POU6F2: variants seen among roughly 807,000 people sequenced by gnomAD.
POU6F2 encodes the protein POU class 6 homeobox 2.
A neutral mutation model predicts 71.3 loss-of-function variants in POU6F2; 31 were observed. That is an observed-to-expected ratio of 0.43 (90% CI 0.33 to 0.59). The LOEUF (loss-of-function observed/expected upper bound fraction) is 0.59. Ranked by LOEUF, POU6F2 falls within the 20% of genes least tolerant of loss-of-function variation. The probability of loss-of-function intolerance (pLI) is 0.04; values close to 1 mark genes in which losing one functional copy is unlikely to be tolerated. For synonymous variants in POU6F2, 347 were observed against 355.7 expected (o/e 0.98, Z 0.27); for missense variants, 783 against 856.8 (o/e 0.91, Z 1.07).
intron 5 of POU6F2, among the ~76,000 whole-genome samples, chr7:39,341,781 TG>T (rs1191987674): frequency 6.6e-6 from 1 of 152,170 alleles, no homozygotes; most frequent in Non-Finnish European, 1.5e-5. Flanking sequence ...CCCTGAACAC[TG>T]TCAGTGTTTT....
intron 4 of POU6F2, among the ~76,000 whole-genome samples, chr7:39,332,302 GGA>G (rs1252119268): frequency 2.0e-5 from 3 of 152,092 alleles, no homozygotes; most frequent in Non-Finnish European, 4.4e-5. Flanking sequence ...GCTCTGCTGT[GGA>G]CTGGCTGCTG....
At chr7:39,149,349 T>C (rs1169903204) in intron 2 of POU6F2, among the ~76,000 whole-genome samples, 1 of 152,234 alleles carries the variant, frequency 6.6e-6, no homozygotes, top group African/African-American at 2.4e-5. Context: ...TACTTCTTTT[T>C]TTAAGCATTA....
chr7:39,330,514 G>A (rs1284699762), intron 4 of POU6F2, among the ~76,000 whole-genome samples: 1 of 152,118 alleles, frequency 6.6e-6, no homozygotes, highest in East Asian at 1.9e-4. Flanking sequence ...TTGCAAGTCA[G>A]TAAACACTCT....
intron 1 of POU6F2, among the ~76,000 whole-genome samples, chr7:39,015,860 T>C (rs867175368): frequency 1.3e-5 from 1 of 78,574 alleles, no homozygotes; most frequent in African/African-American, 5.3e-5. Flanking sequence ...TAGATATATA[T>C]AATATATTAT....
chr7:39,327,845 A>G (rs541778791), intron 4 of POU6F2, among the ~76,000 whole-genome samples: 11 of 149,940 alleles, frequency 7.3e-5, no homozygotes, highest in Admixed American at 6.7e-4. Flanking sequence ...TGTATGCATT[A>G]GTTTGTGTCA....
At chr7:39,354,046 G>T (rs1007579134) in intron 5 of POU6F2, among the ~76,000 whole-genome samples, 5 of 152,236 alleles carry the variant, frequency 3.3e-5, no homozygotes, top group Non-Finnish European at 5.9e-5. Context: ...GGCCCGGCAG[G>T]AGGCTGATTC....
chr7:39,227,551 C>CTT lies in POU6F2; in HGVS notation c.598+19951_598+19952dup, dbSNP rs34830334. 8.5e-3 allele frequency among the ~76,000 whole-genome samples: 925 copies of CTT among 108,986 alleles called. 9 individuals are homozygous for CTT. Among genetic ancestry groups the CTT allele is most frequent in the East Asian group, 0.014 (46 of 3,178 alleles). 71.5% of individuals were successfully genotyped at this position (108,986 alleles called of 152,430 possible). A position where few individuals can be genotyped will look rare whatever the true frequency, so the allele number is the denominator to read the frequency against. On this transcript the variant is annotated intron_variant, in intron 4 of 9. Coordinates refer to ENST00000518318, the MANE Select transcript of POU6F2 (RefSeq NM_001370959.1). ...CTGAGGTACCTCGTGACATTGGTAC[C>CTT]TTTTTTTTTTTTTTTTTTTTTGAGA...
At position 39,390,854 on chromosome 7, in the gene POU6F2, T is replaced by G. The variant is rs1488033203; in HGVS notation, c.973-15746T>G. On this transcript the variant is annotated intron_variant, in intron 5 of 9. Transcript: ENST00000518318. ...GTTTTCTTGTTTTTTGTTTTTTGGT[T>G]TTTTTTTTTACCTGTGGACAACTTT... 4.1e-5 allele frequency among the ~76,000 whole-genome samples: 6 copies of G among 144,660 alleles called. No individual in the cohort carries two copies. In the East Asian group the frequency reaches 7.3e-4, roughly 18 times the overall value. 94.9% of individuals were successfully genotyped at this position (144,660 alleles called of 152,430 possible).
intron 1 of POU6F2, among the ~76,000 whole-genome samples, chr7:39,045,026 T>G (rs958982651): frequency 3.3e-5 from 5 of 151,956 alleles, no homozygotes; most frequent in Non-Finnish European, 7.4e-5. Context: ...GAAAACAGAC[T>G]GGCATAAGGA....
At chr7:39,447,154 T>C (rs2299126) in intron 7 of POU6F2, among the ~76,000 whole-genome samples, 52,889 of 152,046 alleles carry the variant, frequency 0.35, 10,439 homozygotes, top group East Asian at 0.58. Context: ...ACCATGTTTT[T>C]TTTCAAACAT....
intron 4 of POU6F2, among the ~76,000 whole-genome samples, chr7:39,318,605 A>G (rs926720364): frequency 6.6e-6 from 1 of 152,226 alleles, no homozygotes; most frequent in African/African-American, 2.4e-5. Flanking sequence ...TGTCTGCTGC[A>G]AAAGAACCCT....
chr7:39,205,940 T>C (rs1217038016), intron 3 of POU6F2, among the ~76,000 whole-genome samples: 5 of 152,154 alleles, frequency 3.3e-5, no homozygotes, highest in African/African-American at 1.2e-4. Flanking sequence ...TTGGAGGGGA[T>C]ACAAGAAAGG....
chr7:39,202,589 G>A (rs1366028674), intron 2 of POU6F2, among the ~76,000 whole-genome samples: 2 of 152,176 alleles, frequency 1.3e-5, no homozygotes, highest in African/African-American at 4.8e-5. Flanking sequence ...GGGCAAAATT[G>A]GACTTGGGTA....
chr7:39,273,742 T>A (rs1013604228), intron 4 of POU6F2, among the ~76,000 whole-genome samples: 2 of 152,112 alleles, frequency 1.3e-5, no homozygotes. Context: ...CCTCCTCCCT[T>A]TACCTCAGTA....
At chr7:39,305,491 G>A (rs935634201) in intron 4 of POU6F2, among the ~76,000 whole-genome samples, 7 of 152,168 alleles carry the variant, frequency 4.6e-5, no homozygotes, top group African/African-American at 1.7e-4. Context: ...AGACCAAGAG[G>A]AGTTAGCCTA....
At chr7:39,282,174 A>G (rs1784574204) in intron 4 of POU6F2, among the ~76,000 whole-genome samples, 2 of 152,128 alleles carry the variant, frequency 1.3e-5, no homozygotes, top group Admixed American at 6.5e-5. Flanking sequence ...AGTTGCTTAT[A>G]TATTCTGTAT....
chr7:39,165,814 A>G (rs947937017), intron 2 of POU6F2, among the ~76,000 whole-genome samples: 1 of 152,242 alleles, frequency 6.6e-6, no homozygotes, highest in African/African-American at 2.4e-5. Context: ...AGAGGCAAAA[A>G]GTAATAATTA....
At chr7:39,424,356 G>A (rs1426222230) in intron 6 of POU6F2, among the ~76,000 whole-genome samples, 1 of 152,152 alleles carries the variant, frequency 6.6e-6, no homozygotes, top group African/African-American at 2.4e-5. Context: ...CTTTCTAGTT[G>A]AGTAAAAAGT....
Position 39,062,202 on chromosome 7 carries a change from A to G in POU6F2, c.106-23658A>G, listed in dbSNP as rs191856106. Among the ~76,000 whole-genome samples the G allele has an allele frequency of 5.8e-4, 88 of 152,252 alleles. No homozygotes were observed. The East Asian group carries it at 6.8e-3, about 12-fold the overall frequency. Reference sequence around the variant, plus strand: ...TTTTGCATCCTGAATACAAATGTCAACACAGTGAAAAGGCAAATAATGTGT... The same window carrying G: ...TTTTGCATCCTGAATACAAATGTCAGCACAGTGAAAAGGCAAATAATGTGT... On this transcript the variant is annotated intron_variant, in intron 1 of 9. Transcript: ENST00000518318.
Sources: allele counts gnomAD v4.1 joint callset (sites outside exome capture counted in the v4.1 genomes callset), GRCh38; gene constraint gnomAD v4.1.1; transcripts MANE v1.5; gene names NCBI Gene and HGNC (gene_info 2026-07-23, HGNC 2026-07-21).